Variants in FBXO15 observed in about 807,000 individuals in gnomAD.
The protein encoded by FBXO15 is F-box protein 15, also known as F-box only protein 15.
FBXO15 carries 30 observed loss-of-function variants against 49.5 expected under a neutral mutation model. The observed-to-expected ratio is 0.61, with a 90% CI of 0.45 to 0.82. The LOEUF (loss-of-function observed/expected upper bound fraction) is 0.82, where lower values mean the gene tolerates loss of function less well. FBXO15 is among the 40% of genes least tolerant of loss of function. FBXO15 has a pLI of 0.00. For synonymous variants in FBXO15, 250 were observed against 232.7 expected, an observed-to-expected ratio of 1.07 and a Z score of -0.68; for missense variants, 591 against 631.5, an observed-to-expected ratio of 0.94 and a Z score of 0.69.
At chr18:74,100,790 A>G (rs1913482363) in intron 8 of FBXO15, among the ~76,000 whole-genome samples, 1 of 152,194 alleles carries the variant, frequency 6.6e-6, no homozygotes, top group South Asian at 2.1e-4. Flanking sequence ...CTTTATGCAC[A>G]TAAACTAGAA....
intron 8 of FBXO15, among the ~76,000 whole-genome samples, chr18:74,112,148 C>G (rs1914056258): frequency 6.6e-6 from 1 of 152,114 alleles, no homozygotes; most frequent in Non-Finnish European, 1.5e-5. Context: ...AAATCTCTTT[C>G]AAAAGATAGA....
At chr18:74,123,727 T>C (rs980168260) in intron 7 of FBXO15, among the ~76,000 whole-genome samples, 2 of 152,132 alleles carry the variant, frequency 1.3e-5, no homozygotes, top group African/African-American at 4.8e-5. Context: ...ATGATGTGAG[T>C]TCTGTAGGCA....
intron 8 of FBXO15, among the ~76,000 whole-genome samples, chr18:74,102,972 G>A (rs1913590181): frequency 6.6e-6 from 1 of 152,094 alleles, no homozygotes; most frequent in Admixed American, 6.6e-5. Context: ...GGAAGTGGGT[G>A]AGGGATAAAA....
intron 8 of FBXO15, among the ~76,000 whole-genome samples, chr18:74,110,194 C>CAT (rs58739905): frequency 0.084 from 12,103 of 143,344 alleles, 755 homozygotes; most frequent in African/African-American, 0.16. Flanking sequence ...CATATGTGTG[C>CAT]ATATATATAT....
chr18:74,087,297 G>C (rs570555403), intron 8 of FBXO15, among the ~76,000 whole-genome samples: 69 of 152,158 alleles, frequency 4.5e-4, no homozygotes, highest in Middle Eastern at 3.4e-3. Context: ...TAGGTAAACC[G>C]CATGTTGCAG....
At chr18:74,107,908 G>A (rs1205897813) in intron 8 of FBXO15, among the ~76,000 whole-genome samples, 1 of 152,118 alleles carries the variant, frequency 6.6e-6, no homozygotes, top group Non-Finnish European at 1.5e-5. Context: ...CTACCTGAAG[G>A]AAGAGAAACA....
intron 3 of FBXO15, among the ~76,000 whole-genome samples, chr18:74,130,992 A>G (rs1356963893): frequency 6.6e-6 from 1 of 152,240 alleles, no homozygotes; most frequent in Non-Finnish European, 1.5e-5. Context: ...TAAACATAAC[A>G]GAAAGTATAT....
intron 1 of FBXO15, among the ~76,000 whole-genome samples, chr18:74,141,597 A>T (rs1243738444): frequency 1.3e-5 from 2 of 152,202 alleles, no homozygotes; most frequent in African/African-American, 4.8e-5. Flanking sequence ...GAGCAAAAAA[A>T]GAGATGCCTT....
At chr18:74,093,083 G>A (rs1913117539) in intron 8 of FBXO15, among the ~76,000 whole-genome samples, 1 of 152,154 alleles carries the variant, frequency 6.6e-6, no homozygotes, top group South Asian at 2.1e-4. Context: ...CACAGGGTGG[G>A]GGCAGGCCTG....
chr18:74,146,757 G>C (rs1979442067), intron 1 of FBXO15, among the ~76,000 whole-genome samples: 1 of 152,126 alleles, frequency 6.6e-6, no homozygotes, highest in Non-Finnish European at 1.5e-5. Context: ...AGAGGACACA[G>C]GACATAGTTC....
intron 5 of FBXO15, among the ~76,000 whole-genome samples, chr18:74,129,050 G>A (rs1351961143): frequency 6.6e-6 from 1 of 152,072 alleles, no homozygotes; most frequent in East Asian, 1.9e-4. Context: ...CTCATATTTA[G>A]ACTATGATTA....
intron 6 of FBXO15, among the ~76,000 whole-genome samples, chr18:74,125,611 T>C (rs1425038590): frequency 6.6e-5 from 10 of 152,094 alleles, no homozygotes; most frequent in African/African-American, 2.4e-4. Context: ...GGAAATGTTG[T>C]CAGAGAAAGA....
chr18:74,084,743 C>T (rs1036326775), intron 8 of FBXO15, among the ~76,000 whole-genome samples: 2 of 152,084 alleles, frequency 1.3e-5, no homozygotes, highest in South Asian at 2.1e-4. Flanking sequence ...GTAAGCATGG[C>T]CTTTAGACTC....
At chr18:74,078,554 C>T (rs1912354421) in intron 9 of FBXO15, 1 of 152,638 alleles carries the variant, frequency 6.6e-6, no homozygotes, top group Admixed American at 6.5e-5. Context: ...ATCTCTTTCT[C>T]CACTGGGTTC....
At chr18:74,120,309 C>G (rs1914419133) in intron 8 of FBXO15, among the ~76,000 whole-genome samples, 1 of 152,218 alleles carries the variant, frequency 6.6e-6, no homozygotes, top group African/African-American at 2.4e-5. Flanking sequence ...AATATCAACT[C>G]TCTCAACCGG....
At chr18:74,078,950 T>C (rs1387835726) in intron 9 of FBXO15, among the ~76,000 whole-genome samples, 2 of 152,228 alleles carry the variant, frequency 1.3e-5, no homozygotes, top group African/African-American at 4.8e-5. Context: ...TCAAGTGAAG[T>C]GGCCAGGATG....
chr18:74,145,819 CGATCTCCTCACCTCCA>C (rs1165635758), intron 1 of FBXO15, among the ~76,000 whole-genome samples: 1 of 152,032 alleles, frequency 6.6e-6, no homozygotes, highest in Non-Finnish European at 1.5e-5. Flanking sequence ...AGGATGGTCT[CGATCTCCTCACCTCCA>C]GATCTGCCCG....
At chr18:74,124,358 T>G in intron 7 of FBXO15, 131 bp downstream of exon 7, 1 of 689,852 alleles carries the variant, frequency 1.4e-6, no homozygotes, top group Non-Finnish European at 2.5e-6. Context: ...TAATTGTGCC[T>G]GTTGGTTTGT....
At chr18:74,119,301 G>A (rs1441732398) in intron 8 of FBXO15, among the ~76,000 whole-genome samples, 4 of 152,210 alleles carry the variant, frequency 2.6e-5, no homozygotes, top group Non-Finnish European at 5.9e-5. Context: ...GCCCAGAAGA[G>A]TCTATCTAAG....
Sources: gnomAD v4.1 joint callset for allele counts (sites outside exome capture counted in the v4.1 genomes callset) on GRCh38, gnomAD v4.1.1 for gene constraint, MANE v1.5 for transcripts, NCBI Gene and HGNC (gene_info 2026-07-23, HGNC 2026-07-21) for gene names.